SLC16A7: variants seen among roughly 807,000 people sequenced by gnomAD.
The protein encoded by SLC16A7 is solute carrier family 16 member 7, also known as monocarboxylate transporter 2.
A neutral mutation model predicts 34.9 loss-of-function variants in SLC16A7; 33 were observed. The observed-to-expected ratio is 0.94, with a 90% CI of 0.72 to 1.26. The LOEUF is 1.26. Ranked by LOEUF, SLC16A7 falls within the 50% of genes most tolerant of loss-of-function variation. The pLI, the probability that SLC16A7 is intolerant of heterozygous loss-of-function variation, is 0.00. For missense variants in SLC16A7, 573 were observed against 578.1 expected (o/e 0.99, Z 0.09); for synonymous variants, 201 against 206.6 (o/e 0.97, Z 0.23).
intron 1 of SLC16A7, among the ~76,000 whole-genome samples, chr12:59,613,821 T>G (rs1468720512): frequency 6.6e-6 from 1 of 152,084 alleles, no homozygotes; most frequent in African/African-American, 2.4e-5. Flanking sequence ...AAGCTAAGAG[T>G]CTATGACCAA....
At chr12:59,723,665 T>C (rs918438049) in intron 3 of SLC16A7, among the ~76,000 whole-genome samples, 1 of 152,006 alleles carries the variant, frequency 6.6e-6, no homozygotes, top group Non-Finnish European at 1.5e-5. Context: ...CTCCTTCCTA[T>C]AACATGAAAT....
Position 59,788,342 on chromosome 12 carries a change from T to C in SLC16A7, c.*8663T>C, listed in dbSNP as rs1883761861. 6.6e-6 allele frequency: 1 copy of C among 152,104 alleles called. No individual in the cohort carries two copies. Among genetic ancestry groups the C allele is most frequent in the African/African-American group, 2.4e-5 (1 of 41,464 alleles). The allele number at this position is 152,104 out of a possible 1,614,324, so 9.4% of individuals were successfully genotyped here. A position where few individuals can be genotyped will look rare whatever the true frequency, so the allele number is the denominator to read the frequency against. ...TTAAAATATAAATTATATTTTAGGC[T>C]GTATTTTTGTGATTTTTAAGTGAAA... is the stretch of plus-strand genomic sequence containing the variant. On this transcript the variant is annotated 3_prime_UTR_variant, in exon 6 of 6. Coordinates refer to ENST00000547379, the MANE Select transcript of SLC16A7 (RefSeq NM_001270623.2).
At chr12:59,756,305 C>T (rs1236131411) in intron 3 of SLC16A7, among the ~76,000 whole-genome samples, 1 of 152,154 alleles carries the variant, frequency 6.6e-6, no homozygotes, top group African/African-American at 2.4e-5. Context: ...AAACTACCAT[C>T]AGAGTGAACA....
rs541122878 is a variant in SLC16A7 at position 59,783,687 on chromosome 12, T to C, written c.*4008T>C. 1 of 151,626 alleles carries C rather than the reference T, an allele frequency of 6.6e-6. No homozygotes were observed. The highest frequency in any genetic ancestry group is 1.5e-5 in the Non-Finnish European group (1 of 67,900). The allele number at this position is 151,626 out of a possible 1,614,324, so 9.4% of individuals were successfully genotyped here. On this transcript the variant is annotated 3_prime_UTR_variant, in exon 6 of 6. Coordinates refer to ENST00000547379, the MANE Select transcript of SLC16A7 (RefSeq NM_001270623.2). The stretch of plus-strand genomic sequence containing the variant: ...TTTTTTTGAGACTGAGTCTCGTTCT[T>C]GTCGCCCAGGCTGGCGTGCAGTGGC...
At chr12:59,741,386 G>A (rs1179799067) in intron 3 of SLC16A7, among the ~76,000 whole-genome samples, 1 of 152,146 alleles carries the variant, frequency 6.6e-6, no homozygotes, top group African/African-American at 2.4e-5. Flanking sequence ...ACTTTTCACA[G>A]CTGTCCTGGA....
At chr12:59,638,989 G>A (rs1338342667) in intron 1 of SLC16A7, among the ~76,000 whole-genome samples, 2 of 152,064 alleles carry the variant, frequency 1.3e-5, no homozygotes, top group Admixed American at 1.3e-4. Context: ...TGGGTGATGG[G>A]CTTTAGACTT....
intron 3 of SLC16A7, among the ~76,000 whole-genome samples, chr12:59,762,764 T>A (rs1304074297): frequency 6.6e-6 from 1 of 151,088 alleles, no homozygotes; most frequent in Non-Finnish European, 1.5e-5. Flanking sequence ...ACTATAATAG[T>A]GCCTAGGAAC....
chr12:59,678,965 C>A (rs1276880887), intron 2 of SLC16A7, among the ~76,000 whole-genome samples: 1 of 152,198 alleles, frequency 6.6e-6, no homozygotes, highest in Non-Finnish European at 1.5e-5. Context: ...CGAACACACA[C>A]CCAGCTGGGT....
chr12:59,653,577 G>A (rs1868390742), intron 1 of SLC16A7, among the ~76,000 whole-genome samples: 1 of 151,504 alleles, frequency 6.6e-6, no homozygotes, highest in Middle Eastern at 3.2e-3. Context: ...ATTTTGTGAA[G>A]TATATCTTAA....
At chr12:59,772,800 A>T (rs1333474239) in intron 4 of SLC16A7, among the ~76,000 whole-genome samples, 1 of 152,160 alleles carries the variant, frequency 6.6e-6, no homozygotes, top group Non-Finnish European at 1.5e-5. Context: ...ATCATAAATA[A>T]ATATTTGCAA....
intron 3 of SLC16A7, chr12:59,769,457 T>TTTC (rs1882010997): frequency 6.6e-6 from 1 of 152,130 alleles, no homozygotes; most frequent in African/African-American, 2.4e-5. Context: ...CTTGTACAAT[T>TTTC]TTCTTTTAGT....
At chr12:59,630,687 T>C (rs1297941186) in intron 1 of SLC16A7, among the ~76,000 whole-genome samples, 1 of 151,934 alleles carries the variant, frequency 6.6e-6, no homozygotes, top group African/African-American at 2.4e-5. Flanking sequence ...AATTATTATG[T>C]CAATGGAATA....
chr12:59,650,633 C>A (rs898539483), intron 1 of SLC16A7, among the ~76,000 whole-genome samples: 2 of 152,154 alleles, frequency 1.3e-5, no homozygotes, highest in East Asian at 1.9e-4. Flanking sequence ...AAATCTATCT[C>A]TCTGTAGTTC....
intron 3 of SLC16A7, among the ~76,000 whole-genome samples, chr12:59,740,729 G>A (rs1162497605): frequency 6.6e-6 from 1 of 152,034 alleles, no homozygotes; most frequent in Non-Finnish European, 1.5e-5. Flanking sequence ...GGCAGGAGAA[G>A]GAAATAAAGG....
intron 2 of SLC16A7, among the ~76,000 whole-genome samples, chr12:59,700,633 T>TACACATATACACAC (rs1193798240): frequency 1.5e-4 from 23 of 151,358 alleles, no homozygotes; most frequent in Admixed American, 1.3e-3. Context: ...CACATACACA[T>TACACATATACACAC]ATACATATAC....
intron 3 of SLC16A7, among the ~76,000 whole-genome samples, chr12:59,751,960 G>T (rs894260142): frequency 1.3e-5 from 2 of 152,158 alleles, no homozygotes; most frequent in Non-Finnish European, 2.9e-5. Flanking sequence ...AAAATCCGCT[G>T]ATCTGCAGCC....
At chr12:59,762,551 A>T (rs1384005354) in intron 3 of SLC16A7, among the ~76,000 whole-genome samples, 2 of 152,128 alleles carry the variant, frequency 1.3e-5, no homozygotes, top group African/African-American at 4.8e-5. Context: ...CCCAGAACTA[A>T]AAAAGGTCTA....
At chr12:59,654,623 GTAAA>G (rs1224814721) in intron 1 of SLC16A7, among the ~76,000 whole-genome samples, 4 of 151,666 alleles carry the variant, frequency 2.6e-5, no homozygotes, top group Admixed American at 6.6e-5. Flanking sequence ...AGACATTAAT[GTAAA>G]TAGTTTTAAT....
intron 2 of SLC16A7, among the ~76,000 whole-genome samples, chr12:59,671,785 G>A (rs180954819): frequency 6.3e-4 from 88 of 139,740 alleles, no homozygotes; most frequent in African/African-American, 2.2e-3. Context: ...ATATATATGT[G>A]TATATGTATA....
Sources: gnomAD v4.1 joint callset for allele counts (sites outside exome capture counted in the v4.1 genomes callset) on GRCh38, gnomAD v4.1.1 for gene constraint, MANE v1.5 for transcripts, NCBI Gene and HGNC (gene_info 2026-07-23, HGNC 2026-07-21) for gene names.